Variants in GALNT13 observed in about 807,000 individuals in gnomAD.
GALNT13 encodes polypeptide N-acetylgalactosaminyltransferase 13, also known as UDP-GalNAc:polypeptide N-acetylgalactosaminyltransferase 13.
GALNT13 carries 28 observed loss-of-function variants against 64.2 expected under a neutral mutation model. The observed-to-expected ratio is 0.44, with a 90% CI of 0.32 to 0.60. The LOEUF is 0.60. Ranked by LOEUF, GALNT13 falls within the 20% of genes least tolerant of loss-of-function variation. The probability of loss-of-function intolerance (pLI) is 0.05; values close to 1 mark genes in which losing one functional copy is unlikely to be tolerated. For synonymous variants in GALNT13, 214 were observed against 224.6 expected (o/e 0.95, Z 0.42); for missense variants, 577 against 669.8 (o/e 0.86, Z 1.53).
At chr2:154,167,533 G>T (rs1481473095) in intron 4 of GALNT13, among the ~76,000 whole-genome samples, 1 of 152,116 alleles carries the variant, frequency 6.6e-6, no homozygotes, top group Non-Finnish European at 1.5e-5. Flanking sequence ...CATCTCCTTT[G>T]CATGTAAAAT....
At chr2:153,430,377 A>T in the GALNT13 span, among the ~76,000 whole-genome samples, 1 of 152,106 alleles carries the variant, frequency 6.6e-6, no homozygotes, top group Non-Finnish European at 1.5e-5. Flanking sequence ...TAGATATTTT[A>T]AAAATAACAT....
chr2:154,081,277 C>T (rs1355538782), intron 3 of GALNT13, among the ~76,000 whole-genome samples: 1 of 151,600 alleles, frequency 6.6e-6, no homozygotes, highest in Non-Finnish European at 1.5e-5. Context: ...ATTTAAAACA[C>T]CACAATATTG....
At chr2:153,756,071 A>G in the GALNT13 span, among the ~76,000 whole-genome samples, 3 of 152,148 alleles carry the variant, frequency 2.0e-5, no homozygotes, top group South Asian at 6.2e-4. Flanking sequence ...AAGATTATAT[A>G]GTATATTTGA....
At chr2:153,512,665 T>A in the GALNT13 span, among the ~76,000 whole-genome samples, 1 of 152,220 alleles carries the variant, frequency 6.6e-6, no homozygotes, top group Non-Finnish European at 1.5e-5. Flanking sequence ...GTTAAAACAC[T>A]TAGGATAACA....
At chr2:153,770,131 A>T in the GALNT13 span, among the ~76,000 whole-genome samples, 1 of 151,960 alleles carries the variant, frequency 6.6e-6, no homozygotes, top group Non-Finnish European at 1.5e-5. Context: ...GCATTGTGAC[A>T]CTTTGTTTTT....
chr2:153,822,257 CA>C, the GALNT13 span, among the ~76,000 whole-genome samples: 1 of 152,046 alleles, frequency 6.6e-6, no homozygotes, highest in Non-Finnish European at 1.5e-5. Context: ...CCTCTGATAT[CA>C]AAATCTGGCA....
chr2:153,893,224 A>G (rs1687670164), intron 1 of GALNT13, among the ~76,000 whole-genome samples: 1 of 152,102 alleles, frequency 6.6e-6, no homozygotes, highest in Non-Finnish European at 1.5e-5. Flanking sequence ...ATTCGTCAAA[A>G]AATCATGTTT....
At chr2:154,413,593 T>C (rs1418137746) in intron 11 of GALNT13, among the ~76,000 whole-genome samples, 1 of 151,992 alleles carries the variant, frequency 6.6e-6, no homozygotes, top group Non-Finnish European at 1.5e-5. Flanking sequence ...CCCATCGGTC[T>C]CCTGTGCTCT....
intron 12 of GALNT13, 130 bp downstream of exon 12, chr2:154,438,856 C>A: frequency 1.4e-6 from 1 of 707,794 alleles, no homozygotes; most frequent in Non-Finnish European, 2.3e-6. Flanking sequence ...CATGCAGGCT[C>A]ATATCCGGTA....
intron 9 of GALNT13, among the ~76,000 whole-genome samples, chr2:154,385,014 A>T (rs1377759388): frequency 7.1e-6 from 1 of 141,748 alleles, no homozygotes; most frequent in Admixed American, 7.0e-5. Flanking sequence ...ATGCTAAAGC[A>T]GTGACGACTA....
the GALNT13 span, among the ~76,000 whole-genome samples, chr2:153,518,643 T>G: frequency 6.6e-6 from 1 of 152,152 alleles, no homozygotes; most frequent in Admixed American, 6.6e-5. Flanking sequence ...AAGATTATTA[T>G]TTTAAATTAT....
At chr2:154,295,648 CAGGTGT>C (rs1367500962) in intron 8 of GALNT13, among the ~76,000 whole-genome samples, 1 of 152,058 alleles carries the variant, frequency 6.6e-6, no homozygotes, top group Non-Finnish European at 1.5e-5. Context: ...GCTAGGATTA[CAGGTGT>C]GAGGAACCAT....
At chr2:153,095,001 C>A in the GALNT13 span, among the ~76,000 whole-genome samples, 4 of 152,090 alleles carry the variant, frequency 2.6e-5, no homozygotes, top group Non-Finnish European at 5.9e-5. Flanking sequence ...GACTAAAACA[C>A]CAAAAGCAAT....
At chr2:154,110,872 G>A (rs1702946571) in intron 3 of GALNT13, among the ~76,000 whole-genome samples, 1 of 152,064 alleles carries the variant, frequency 6.6e-6, no homozygotes, top group Non-Finnish European at 1.5e-5. Flanking sequence ...ACAAGAGTAA[G>A]GTCATAATTA....
chr2:154,245,011 C>T (rs1689699585), intron 6 of GALNT13, among the ~76,000 whole-genome samples: 1 of 151,878 alleles, frequency 6.6e-6, no homozygotes, highest in South Asian at 2.1e-4. Flanking sequence ...GAGGCTGAGG[C>T]AGGAGAATTG....
the GALNT13 span, among the ~76,000 whole-genome samples, chr2:153,803,713 A>AC: frequency 2.1e-5 from 3 of 143,374 alleles, no homozygotes; most frequent in Non-Finnish European, 3.0e-5. Context: ...AAAAAAGAAA[A>AC]AGAAAAAAGA....
the GALNT13 span, among the ~76,000 whole-genome samples, chr2:153,141,502 T>C: frequency 6.6e-6 from 1 of 152,012 alleles, no homozygotes. Flanking sequence ...TTAAAACCTC[T>C]GCAATACAGA....
At chr2:153,786,738 C>T in the GALNT13 span, among the ~76,000 whole-genome samples, 1 of 151,662 alleles carries the variant, frequency 6.6e-6, no homozygotes, top group South Asian at 2.1e-4. Flanking sequence ...GAGGTGGAAC[C>T]CCCAGTGGCA....
chr2:153,598,308 G>T, the GALNT13 span, among the ~76,000 whole-genome samples: 1 of 151,970 alleles, frequency 6.6e-6, no homozygotes, highest in African/African-American at 2.4e-5. Flanking sequence ...TTCCCTGAAG[G>T]CAGCAAGTTC....
Sources: allele counts gnomAD v4.1 joint callset (sites outside exome capture counted in the v4.1 genomes callset), GRCh38; gene constraint gnomAD v4.1.1; transcripts MANE v1.5; gene names NCBI Gene and HGNC (gene_info 2026-07-23, HGNC 2026-07-21).